Variants in RAB38 observed in about 807,000 individuals in gnomAD.
RAB38 encodes the protein RAB38, member RAS oncogene family, also known as ras-related protein Rab-38.
RAB38 carries 15 observed loss-of-function variants against 18.4 expected under a neutral mutation model. The observed-to-expected ratio is 0.82, with a 90% CI of 0.55 to 1.26. The LOEUF (loss-of-function observed/expected upper bound fraction) is 1.26, where lower values mean the gene tolerates loss of function less well. RAB38 is among the 50% of genes most tolerant of loss of function. The probability of loss-of-function intolerance (pLI) is 0.00; values close to 1 mark genes in which losing one functional copy is unlikely to be tolerated. For synonymous variants in RAB38, 101 were observed against 104.4 expected (o/e 0.97, Z 0.20); for missense variants, 294 against 267.4 (o/e 1.10, Z -0.69).
chr11:87,899,959 G>GT, the RAB38 span, among the ~76,000 whole-genome samples: 225 of 147,462 alleles, frequency 1.5e-3, no homozygotes, highest in South Asian at 0.019. Flanking sequence ...TACTCCTTCC[G>GT]TTTTTTTTTT....
In RAB38 at chr11:88,175,276, G is replaced by A. The variant is rs141415590; in HGVS notation, c.109C>T (p.His37Tyr). ...KRYVHQNFSS[H>Y]YRATIGVDFA... is the part of the protein sequence containing the mutation. Reference sequence around the variant, plus strand: ...TCCACGCCGATTGTGGCCCGGTAGTGCGAAGAGAAGTTCTGGTGCACGTAG... The same window carrying A: ...TCCACGCCGATTGTGGCCCGGTAGTACGAAGAGAAGTTCTGGTGCACGTAG... Residue 37 changes from histidine (H) to tyrosine (Y), a missense_variant, in exon 1 of 3, where the codon CAC becomes TAC. Transcript: ENST00000243662. 17 of 1,614,072 alleles carry A rather than the reference G, an allele frequency of 1.1e-5. No homozygotes were observed. The African/African-American group carries it at 2.3e-4, about 22-fold the overall frequency.
the RAB38 span, among the ~76,000 whole-genome samples, chr11:87,825,719 G>T: frequency 6.6e-6 from 1 of 152,094 alleles, no homozygotes; most frequent in Non-Finnish European, 1.5e-5. Flanking sequence ...CCTGGGTAAG[G>T]CTGGAGGACA....
At chr11:88,173,292 G>A (rs1943333295) in intron 1 of RAB38, among the ~76,000 whole-genome samples, 1 of 152,160 alleles carries the variant, frequency 6.6e-6, no homozygotes, top group Admixed American at 6.5e-5. Context: ...AGATCTCCTA[G>A]AGAACAGGCA....
chr11:88,027,424 C>A, the RAB38 span, among the ~76,000 whole-genome samples: 1 of 152,132 alleles, frequency 6.6e-6, no homozygotes, highest in South Asian at 2.1e-4. Flanking sequence ...TGAGGCATTG[C>A]CTCACCTGGG....
the RAB38 span, among the ~76,000 whole-genome samples, chr11:87,843,288 T>C: frequency 6.6e-6 from 1 of 152,244 alleles, no homozygotes; most frequent in African/African-American, 2.4e-5. Context: ...TATCCTTATA[T>C]AGACTTTTAC....
At chr11:87,952,977 A>C in the RAB38 span, among the ~76,000 whole-genome samples, 1 of 152,116 alleles carries the variant, frequency 6.6e-6, no homozygotes, top group Non-Finnish European at 1.5e-5. Flanking sequence ...TAAAACATTT[A>C]AACATAAAAC....
At chr11:87,828,953 A>G in the RAB38 span, among the ~76,000 whole-genome samples, 33 of 152,330 alleles carry the variant, frequency 2.2e-4, no homozygotes, top group African/African-American at 4.3e-4. Context: ...CTCTATAACA[A>G]TCTTTAGTGA....
the RAB38 span, among the ~76,000 whole-genome samples, chr11:87,923,581 G>A: frequency 6.6e-6 from 1 of 151,530 alleles, no homozygotes; most frequent in East Asian, 1.9e-4. Flanking sequence ...GTGTGCATGT[G>A]TGTGTGTGTG....
the RAB38 span, among the ~76,000 whole-genome samples, chr11:88,052,532 A>C: frequency 6.6e-6 from 1 of 152,150 alleles, no homozygotes; most frequent in East Asian, 1.9e-4. Context: ...AAGCTTACTT[A>C]GGTCTTGTTC....
At chr11:88,051,443 C>T in the RAB38 span, among the ~76,000 whole-genome samples, 60 of 151,404 alleles carry the variant, frequency 4.0e-4, no homozygotes, top group African/African-American at 5.1e-4. Context: ...ACAAGCAGGA[C>T]GGATAGAAGC....
chr11:87,902,402 G>C, the RAB38 span, among the ~76,000 whole-genome samples: 4 of 151,572 alleles, frequency 2.6e-5, no homozygotes, highest in African/African-American at 4.8e-5. Flanking sequence ...AGTAGAAATA[G>C]ATCAACTGTA....
chr11:87,922,599 G>T, the RAB38 span, among the ~76,000 whole-genome samples: 2 of 151,788 alleles, frequency 1.3e-5, no homozygotes, highest in African/African-American at 4.8e-5. Context: ...ATCTTATGGA[G>T]ATTTTCCCTC....
the RAB38 span, among the ~76,000 whole-genome samples, chr11:88,063,401 G>T: frequency 1.3e-5 from 2 of 152,132 alleles, no homozygotes; most frequent in South Asian, 2.1e-4. Context: ...TTCAAGGAAG[G>T]TACCATTCCT....
chr11:87,900,527 T>C, the RAB38 span, among the ~76,000 whole-genome samples: 1 of 151,650 alleles, frequency 6.6e-6, no homozygotes, highest in African/African-American at 2.4e-5. Context: ...TTTAAATACT[T>C]ATATTCACCA....
the RAB38 span, among the ~76,000 whole-genome samples, chr11:87,948,406 G>T: frequency 6.6e-6 from 1 of 151,860 alleles, no homozygotes; most frequent in Non-Finnish European, 1.5e-5. Flanking sequence ...CTGCCTGATT[G>T]CCCTGGCCAG....
the RAB38 span, among the ~76,000 whole-genome samples, chr11:87,850,790 AC>A: frequency 2.0e-5 from 3 of 151,984 alleles, no homozygotes; most frequent in Non-Finnish European, 2.9e-5. Context: ...TCAGTCTGAG[AC>A]CCATCAAAGT....
the RAB38 span, among the ~76,000 whole-genome samples, chr11:87,964,587 G>T: frequency 4.6e-5 from 7 of 152,026 alleles, no homozygotes; most frequent in Non-Finnish European, 4.4e-5. Context: ...GACGATGGGA[G>T]AAGAGAATTG....
At chr11:87,889,072 T>G in the RAB38 span, among the ~76,000 whole-genome samples, 1 of 151,942 alleles carries the variant, frequency 6.6e-6, no homozygotes, top group Non-Finnish European at 1.5e-5. Context: ...TTATCAGCAA[T>G]AGTTTTTAAA....
chr11:87,955,579 A>C, the RAB38 span, among the ~76,000 whole-genome samples: 3 of 152,318 alleles, frequency 2.0e-5, no homozygotes, highest in African/African-American at 7.2e-5. Flanking sequence ...AACGAAGCCT[A>C]AAGCTATTGT....
Sources: allele counts gnomAD v4.1 joint callset (sites outside exome capture counted in the v4.1 genomes callset), GRCh38; gene constraint gnomAD v4.1.1; transcripts MANE v1.5; gene names NCBI Gene and HGNC (gene_info 2026-07-23, HGNC 2026-07-21).